The following HSBP1L1 variants were observed in gnomAD, a reference collection of about 807,000 sequenced individuals.
The protein encoded by HSBP1L1 is heat shock factor binding protein 1 like 1.
In HSBP1L1, 8 loss-of-function variants were observed where a neutral mutation model predicts 9.7. That is an observed-to-expected ratio of 0.82 (90% CI 0.48 to 1.48). The LOEUF (loss-of-function observed/expected upper bound fraction) is 1.48, where lower values mean the gene tolerates loss of function less well. Among genes scored for constraint, HSBP1L1 ranks in the 40% most tolerant of loss-of-function variants. The pLI is 0.00. For missense variants in HSBP1L1, 106 were observed against 95.8 expected, an observed-to-expected ratio of 1.11 and a Z score of -0.44; for synonymous variants, 39 against 34.4, an observed-to-expected ratio of 1.13 and a Z score of -0.46.
At chr18:79,965,233 C>G (rs914035490) in intron 1 of HSBP1L1, among the ~76,000 whole-genome samples, 4 of 152,200 alleles carry the variant, frequency 2.6e-5, no homozygotes, top group Non-Finnish European at 5.9e-5. Context: ...GGAAATCCTC[C>G]CGCTCCCCAG....
chr18:79,969,347 GAAA>G (rs2051279729), intron 3 of HSBP1L1, among the ~76,000 whole-genome samples: 2 of 36,672 alleles, frequency 5.5e-5, no homozygotes, highest in Non-Finnish European at 1.3e-4. Flanking sequence ...AAGAAAGAAA[GAAA>G]GAAAGAAAGA....
rs1256725775 is a variant in HSBP1L1 at position 79,964,713 on chromosome 18, G to A, written c.-23G>A. 45 of 1,390,814 alleles carry A rather than the reference G, an allele frequency of 3.2e-5. No homozygotes were observed. Among genetic ancestry groups the A allele is most frequent in the Non-Finnish European group, 4.1e-5 (44 of 1,066,384 alleles). 86.2% of individuals were successfully genotyped at this position (1,390,814 alleles called of 1,614,324 possible). ...CGCGCGGCCCACGGGACCCCCCACTGACGCCCCCGGCCAGCGGTCCACATG... is the reference window on the plus strand; with the variant it reads ...CGCGCGGCCCACGGGACCCCCCACTAACGCCCCCGGCCAGCGGTCCACATG... On this transcript the variant is annotated 5_prime_UTR_variant, in exon 1 of 4. Coordinates refer to ENST00000451882, the MANE Select transcript of HSBP1L1 (RefSeq NM_001136180.2).
intron 3 of HSBP1L1, among the ~76,000 whole-genome samples, chr18:79,969,321 GAAAGAAAGAAAAAGAAA>G (rs2051277804): frequency 9.5e-6 from 1 of 105,524 alleles, no homozygotes; most frequent in African/African-American, 3.8e-5. Context: ...AGGAAAGAAA[GAAAGAAAGAAAAAGAAA>G]GAAAGAAAGA....
In HSBP1L1 at chr18:79,968,126, G is replaced by A. The variant is rs998899825; in HGVS notation, c.156G>A (p.Lys52=). Residue 52 remains lysine (K), a synonymous_variant, in exon 3 of 4, where the codon AAG becomes AAA. Coordinates refer to ENST00000451882, the MANE Select transcript of HSBP1L1 (RefSeq NM_001136180.2). The part of the protein sequence containing the change: ...EMGNRIEDLQ[K]NVKDLMVQAG... ...GAAATCGCATTGAGGACTTACAGAA[G>A]AATGTCAAGGACTTAATGGTGCAAG... The A allele has an allele frequency of 2.5e-5, 39 of 1,550,306 alleles. 1 individual carries two copies. In the East Asian group the frequency reaches 8.6e-4, roughly 34 times the overall value.
chr18:79,966,738 AGT>A, intron 2 of HSBP1L1, 60 bp downstream of exon 2: 1 of 1,237,936 alleles, frequency 8.1e-7, no homozygotes, highest in Non-Finnish European at 1.2e-6. Flanking sequence ...ATTATCATGG[AGT>A]ATCTTTTTGT....
rs1453162872 is a variant in HSBP1L1 at position 79,969,240 on chromosome 18, GAGAGGAGAGGAGA to G, written c.213+1058_213+1070del. Reference sequence around the variant, plus strand: ...AGAAAGAAAGAGGAGAGAGAGGAGAGAGAGGAGAGGAGAGAGAGAGAGGGAGGGAGGGAGGGAG... The same window carrying G: ...AGAAAGAAAGAGGAGAGAGAGGAGAGGAGAGAGAGGGAGGGAGGGAGGGAG... On this transcript the variant is annotated intron_variant, in intron 3 of 3. Transcript: ENST00000451882. Among the ~76,000 whole-genome samples the G allele has an allele frequency of 8.5e-5, 9 of 106,076 alleles. 1 individual carries two copies. The highest frequency in any genetic ancestry group is 4.4e-4 in the South Asian group (1 of 2,270). 69.6% of individuals were successfully genotyped at this position (106,076 alleles called of 152,430 possible). A position where few individuals can be genotyped will look rare whatever the true frequency, so the allele number is the denominator to read the frequency against.
intron 1 of HSBP1L1, among the ~76,000 whole-genome samples, chr18:79,965,033 G>C (rs2051249946): frequency 7.7e-6 from 1 of 130,074 alleles, no homozygotes; most frequent in Admixed American, 8.0e-5. Context: ...TCCTGGGGGG[G>C]CCTGAGGTGC....
chr18:79,966,719 G>A, intron 2 of HSBP1L1, 41 bp downstream of exon 2: 1 of 1,360,790 alleles, frequency 7.3e-7, no homozygotes, highest in South Asian at 1.3e-5. Context: ...GATTCTTTCG[G>A]ACTGGTAGAT....
At chr18:79,966,155 T>TCTCCTGAC (rs2051256024) in intron 1 of HSBP1L1, among the ~76,000 whole-genome samples, 1 of 148,884 alleles carries the variant, frequency 6.7e-6, no homozygotes, top group South Asian at 2.1e-4. Context: ...ATGGTCTCGA[T>TCTCCTGAC]CTCCTGACCT....
Position 79,970,695 on chromosome 18 carries a change from AAAGAC to A in HSBP1L1, c.*248_*252del. On this transcript the variant is annotated 3_prime_UTR_variant, in exon 4 of 4. Coordinates refer to ENST00000451882, the MANE Select transcript of HSBP1L1 (RefSeq NM_001136180.2). ...GGACTTCCAGAAAACAGAACTGTGA[AAAGAC>A]AAGTTTCTGTTGTTTAAACCACCCA... 2.0e-6 allele frequency: 1 copy of A among 496,246 alleles called. No homozygotes were observed. The highest frequency in any genetic ancestry group is 3.7e-6 in the Non-Finnish European group (1 of 273,930). The allele number at this position is 496,246 out of a possible 1,614,324, so 30.7% of individuals were successfully genotyped here.
At position 79,967,179 on chromosome 18, in the gene HSBP1L1, C is replaced by T. The variant is rs116860391; in HGVS notation, c.118+501C>T. 5.0e-4 allele frequency among the ~76,000 whole-genome samples: 75 copies of T among 149,946 alleles called. 3 individuals carry two copies. In the East Asian group the frequency reaches 0.014, roughly 29 times the overall value. On this transcript the variant is annotated intron_variant, in intron 2 of 3. Coordinates refer to ENST00000451882, the MANE Select transcript of HSBP1L1 (RefSeq NM_001136180.2). ...AAAAAAAAAAAAGCTCTACCTCCTG[C>T]TTGACTGGCAACACAGGATGTCTTG...
rs111274795 is a variant in HSBP1L1 at position 79,966,773 on chromosome 18, G to A, written c.118+95G>A. 4,606 of 888,750 alleles carry A rather than the reference G, an allele frequency of 5.2e-3. 165 individuals carry two copies. The African/African-American group carries it at 0.064, about 12-fold the overall frequency. 55.1% of individuals were successfully genotyped at this position (888,750 alleles called of 1,614,324 possible). A position where few individuals can be genotyped will look rare whatever the true frequency, so the allele number is the denominator to read the frequency against. On this transcript the variant is annotated intron_variant, in intron 2 of 3. Transcript: ENST00000451882. ...TGTTGTCTGGTAGTAGTAGGTAATA[G>A]TTTACTTAGGATTTCCCAGTATTTA...
At chr18:79,970,400 A>G (rs1277073728) in intron 3 of HSBP1L1, 40 bp from the exon 4 acceptor site, 8 of 718,414 alleles carry the variant, frequency 1.1e-5, no homozygotes. Context: ...AATACACCTG[A>G]TAGGAGTTAC....
intron 3 of HSBP1L1, among the ~76,000 whole-genome samples, chr18:79,968,654 A>G (rs554869377): frequency 1.3e-5 from 2 of 151,858 alleles, no homozygotes; most frequent in African/African-American, 4.8e-5. Context: ...TTTTTAGTAG[A>G]GACGGAGTTT....
At chr18:79,965,391 T>TG (rs1034686436) in intron 1 of HSBP1L1, among the ~76,000 whole-genome samples, 5 of 152,030 alleles carry the variant, frequency 3.3e-5, no homozygotes, top group African/African-American at 1.2e-4. Context: ...GGTTCAGAGG[T>TG]GGGGCCTCCT....
chr18:79,970,546 C>A lies in HSBP1L1; in HGVS notation c.*95C>A. ...GGGGCCCTCATCCAACAGGATTCGT[C>A]TTTCTGAGAAGAGACGCAAGGGGCT... On this transcript the variant is annotated 3_prime_UTR_variant, in exon 4 of 4. Coordinates refer to ENST00000451882, the MANE Select transcript of HSBP1L1 (RefSeq NM_001136180.2). 1.4e-6 allele frequency: 1 copy of A among 712,222 alleles called. No homozygotes were observed. Among genetic ancestry groups the A allele is most frequent in the South Asian group, 1.5e-5 (1 of 67,184 alleles). 44.1% of individuals were successfully genotyped at this position (712,222 alleles called of 1,614,324 possible).
rs760962603 is a variant in HSBP1L1 at position 79,966,684 on chromosome 18, C to T, written c.118+6C>T. The T allele has an allele frequency of 2.0e-6, 3 of 1,530,586 alleles. No individual in the cohort carries two copies. The South Asian group carries it at 3.6e-5, about 18-fold the overall frequency. The allele number at this position is 1,530,586 out of a possible 1,614,324, so 94.8% of individuals were successfully genotyped here. On this transcript the variant is annotated splice_donor_region_variant and intron_variant, in intron 2 of 3. Transcript: ENST00000451882. ...GGCAACATTAAACCTCAGAAATATC[C>T]TTTTCTACCTTTAACAAATGCTGTG...
chr18:79,966,421 G>A (rs1425163659), intron 1 of HSBP1L1, among the ~76,000 whole-genome samples, 191 bp from the exon 2 acceptor site: 1 of 152,058 alleles, frequency 6.6e-6, no homozygotes, highest in Non-Finnish European at 1.5e-5. Context: ...GCACATGCTT[G>A]TAATCCCAGC....
chr18:79,969,235 GGAGA>G (rs1213074385), intron 3 of HSBP1L1, among the ~76,000 whole-genome samples: 9 of 112,330 alleles, frequency 8.0e-5, no homozygotes, highest in East Asian at 3.1e-4. Flanking sequence ...AGGAGAGAGA[GGAGA>G]GAGAGGAGAG....
Sources: gnomAD v4.1 joint callset for allele counts (sites outside exome capture counted in the v4.1 genomes callset) on GRCh38, gnomAD v4.1.1 for gene constraint, MANE v1.5 for transcripts, NCBI Gene and HGNC (gene_info 2026-07-23, HGNC 2026-07-21) for gene names.